The following NF1 variants were observed in gnomAD, a reference collection of about 807,000 sequenced individuals.
The protein encoded by NF1 is neurofibromin.
NF1 carries 122 observed loss-of-function variants against 325.7 expected under a neutral mutation model. That is an observed-to-expected ratio of 0.37 (90% CI 0.32 to 0.44). NF1 has a LOEUF of 0.44. Among genes scored for constraint, NF1 ranks in the 20% least tolerant of loss-of-function variants. NF1 has a pLI of 1.00. For synonymous variants in NF1, 1,091 were observed against 1,186.0 expected (o/e 0.92, Z 1.65); for missense variants, 2,140 against 3,415.4 (o/e 0.63, Z 9.31).
chr17:31,319,629 T>C (rs1193910381), intron 36 of NF1, among the ~76,000 whole-genome samples: 2 of 152,050 alleles, frequency 1.3e-5, no homozygotes, highest in Admixed American at 6.6e-5. Context: ...TAGAAATACA[T>C]TTGTAAGTGT....
At position 31,249,122 on chromosome 17, in the gene NF1, A is replaced by G. The variant is rs774669878; in HGVS notation, c.4110+3A>G. The G allele has an allele frequency of 1.5e-5, 24 of 1,613,768 alleles. No homozygotes were observed. Among genetic ancestry groups the G allele is most frequent in the East Asian group, 6.7e-5 (3 of 44,868 alleles). On this transcript the variant is annotated splice_donor_region_variant and intron_variant, in intron 30 of 57. Coordinates refer to ENST00000358273, the MANE Select transcript of NF1 (RefSeq NM_001042492.3). ...GTGTGTGCCACTGTTTATACCAGGT[A>G]TGCTTACAGTTAGAGATTACCATTA...
chr17:31,322,551 A>G (rs1245358366), intron 36 of NF1, among the ~76,000 whole-genome samples: 1 of 142,572 alleles, frequency 7.0e-6, no homozygotes, highest in Non-Finnish European at 1.5e-5. Flanking sequence ...TGGATATGGC[A>G]GCACATATCT....
intron 36 of NF1, among the ~76,000 whole-genome samples, chr17:31,288,777 C>T (rs918226400): frequency 6.6e-6 from 1 of 152,106 alleles, no homozygotes; most frequent in Non-Finnish European, 1.5e-5. Flanking sequence ...GATCCACCCA[C>T]CTTGGCCTCC....
At position 31,111,501 on chromosome 17, in the gene NF1, G is replaced by T. The variant is rs185313854; in HGVS notation, c.60+16132G>T. Among the ~76,000 whole-genome samples the T allele has an allele frequency of 1.8e-3, 272 of 152,204 alleles. 2 individuals are homozygous for T. The highest frequency in any genetic ancestry group is 6.1e-3 in the African/African-American group (255 of 41,546). The stretch of plus-strand genomic sequence containing the variant: ...AAACAAAGAGAAACGCTTAAAAGCA[G>T]CCAGAAGAGGGGAAAAAAGGCACTG... On this transcript the variant is annotated intron_variant, in intron 1 of 57. Coordinates refer to ENST00000358273, the MANE Select transcript of NF1 (RefSeq NM_001042492.3).
intron 50 of NF1, among the ~76,000 whole-genome samples, chr17:31,351,562 G>A (rs1490527587): frequency 9.9e-5 from 15 of 152,146 alleles, no homozygotes; most frequent in South Asian, 4.1e-4. Flanking sequence ...GATTACAGGC[G>A]CGTGCCACCA....
rs932282232 is a variant in NF1, at chr17:31,314,213, C to T, written c.4836-11607C>T. On this transcript the variant is annotated intron_variant, in intron 36 of 57. Transcript: ENST00000358273. ...CTTTAACAGAACTTATTTTGAAATA[C>T]ATTTTGGAGCCCTATGATTTGAGTG... is the stretch of plus-strand genomic sequence containing the variant. 15 of 380,386 alleles carry T rather than the reference C, an allele frequency of 3.9e-5. No individual in the cohort carries two copies. The East Asian group carries it at 5.7e-4, about 14-fold the overall frequency. 23.6% of individuals were successfully genotyped at this position (380,386 alleles called of 1,614,324 possible).
chr17:31,257,250 A>G (rs1281826561), intron 31 of NF1, among the ~76,000 whole-genome samples: 1 of 152,166 alleles, frequency 6.6e-6, no homozygotes, highest in African/African-American at 2.4e-5. Context: ...CCTTGACATC[A>G]CAGAATATTG....
intron 36 of NF1, among the ~76,000 whole-genome samples, chr17:31,275,991 C>T (rs917225473): frequency 2.0e-5 from 3 of 151,894 alleles, no homozygotes; most frequent in Non-Finnish European, 2.9e-5. Context: ...GGGCAGATCA[C>T]GAGGTCAGGA....
chr17:31,262,427 T>C (rs2067701775), intron 35 of NF1, among the ~76,000 whole-genome samples: 1 of 152,234 alleles, frequency 6.6e-6, no homozygotes, highest in South Asian at 2.1e-4. Flanking sequence ...AGACACTTAC[T>C]CTGTGATGAT....
At chr17:31,287,164 G>A (rs1213763441) in intron 36 of NF1, among the ~76,000 whole-genome samples, 1 of 152,156 alleles carries the variant, frequency 6.6e-6, no homozygotes, top group African/African-American at 2.4e-5. Flanking sequence ...AGATATATGA[G>A]AAATTATTTA....
At chr17:31,323,333 A>G (rs2069261003) in intron 36 of NF1, among the ~76,000 whole-genome samples, 1 of 151,704 alleles carries the variant, frequency 6.6e-6, no homozygotes, top group African/African-American at 2.4e-5. Context: ...GGATCACCTG[A>G]GCCTGGGGAG....
At chr17:31,267,793 A>G (rs192808597) in intron 36 of NF1, among the ~76,000 whole-genome samples, 1 of 152,160 alleles carries the variant, frequency 6.6e-6, no homozygotes, top group Admixed American at 6.5e-5. Flanking sequence ...TTCACACCGT[A>G]TTTCTGTTTC....
rs560364881 is a variant in NF1 at position 31,166,248 on chromosome 17, A to T, written c.479+2872A>T. ...TTGGTTCCATACAAATCTGTTCGTT[A>T]TGGTTTCTTACTCTTTTTTTAAAAA... On this transcript the variant is annotated intron_variant, in intron 4 of 57. Transcript: ENST00000358273. Among the ~76,000 whole-genome samples, 6 of 152,160 alleles carry T rather than the reference A, an allele frequency of 3.9e-5. No individual in the cohort carries two copies. In the East Asian group the frequency reaches 1.2e-3, roughly 29 times the overall value.
intron 1 of NF1, among the ~76,000 whole-genome samples, chr17:31,104,010 C>T (rs1283269266): frequency 6.6e-6 from 1 of 151,852 alleles, no homozygotes; most frequent in Non-Finnish European, 1.5e-5. Flanking sequence ...GAGACCCTGT[C>T]TCAAAAAAAA....
intron 48 of NF1, 121 bp downstream of exon 48, chr17:31,343,256 C>G (rs1486985858): frequency 1.0e-6 from 1 of 976,450 alleles, no homozygotes; most frequent in Non-Finnish European, 1.5e-6. Context: ...ACTTTAAATG[C>G]AAACTAGGCC....
chr17:31,299,742 A>T (rs535285512), intron 36 of NF1: 9 of 152,260 alleles, frequency 5.9e-5, no homozygotes, highest in Admixed American at 2.0e-4. Context: ...AAATAACAAC[A>T]TAGAAATTAC....
intron 56 of NF1, 80 bp downstream of exon 56, chr17:31,359,095 C>A (rs2151586297): frequency 8.8e-7 from 1 of 1,139,538 alleles, no homozygotes; most frequent in Non-Finnish European, 1.3e-6. Flanking sequence ...TAAGAACACA[C>A]AATGTGCTGA....
Position 31,325,676 on chromosome 17 carries a change from T to C in NF1, c.4836-144T>C, listed in dbSNP as rs764538270. The C allele has an allele frequency of 5.6e-6, 4 of 712,288 alleles. No homozygotes were observed. In the South Asian group the frequency reaches 7.7e-5, roughly 14 times the overall value. 44.1% of individuals were successfully genotyped at this position (712,288 alleles called of 1,614,324 possible). On this transcript the variant is annotated intron_variant, in intron 36 of 57. Transcript: ENST00000358273. ...TCTCAGTGTCCAAAAAACAACTGAT[T>C]TAAAAAATGAATCCAGACTTTGAAG...
intron 29 of NF1, among the ~76,000 whole-genome samples, chr17:31,243,015 G>A (rs1009173567): frequency 4.6e-5 from 7 of 152,262 alleles, no homozygotes; most frequent in Middle Eastern, 3.4e-3. Context: ...TGCTTTAGGG[G>A]ACACTCCAAG....
Sources: allele counts gnomAD v4.1 joint callset (sites outside exome capture counted in the v4.1 genomes callset), GRCh38; gene constraint gnomAD v4.1.1; transcripts MANE v1.5; gene names NCBI Gene and HGNC (gene_info 2026-07-23, HGNC 2026-07-21).